GNAL: variants seen among roughly 807,000 people sequenced by gnomAD.
The protein encoded by GNAL is G protein subunit alpha L.
In GNAL, 18 loss-of-function variants were observed where a neutral mutation model predicts 55.1. The observed-to-expected ratio is 0.33, with a 90% CI of 0.23 to 0.48. The LOEUF is 0.48. Among genes scored for constraint, GNAL ranks in the 20% least tolerant of loss-of-function variants. The probability of loss-of-function intolerance (pLI) is 0.99; values close to 1 mark genes in which losing one functional copy is unlikely to be tolerated. For missense variants in GNAL, 412 were observed against 614.1 expected (o/e 0.67, Z 3.48); for synonymous variants, 253 against 237.0 (o/e 1.07, Z -0.62).
At chr18:11,763,101 T>C (rs2033296162) in intron 4 of GNAL, among the ~76,000 whole-genome samples, 1 of 152,246 alleles carries the variant, frequency 6.6e-6, no homozygotes, top group Admixed American at 6.5e-5. Flanking sequence ...TAAGAGGTAC[T>C]CCTAATCAAT....
intron 5 of GNAL, among the ~76,000 whole-genome samples, chr18:11,833,860 AC>A (rs1178796301): frequency 1.3e-5 from 2 of 152,184 alleles, no homozygotes; most frequent in African/African-American, 4.8e-5. Flanking sequence ...GTCACACGGA[AC>A]TGTATGGAAT....
At chr18:11,798,350 C>G (rs1373194804) in intron 4 of GNAL, among the ~76,000 whole-genome samples, 1 of 152,212 alleles carries the variant, frequency 6.6e-6, no homozygotes, top group Admixed American at 6.5e-5. Flanking sequence ...CAAGACATAA[C>G]TGTGAAACCT....
intron 4 of GNAL, among the ~76,000 whole-genome samples, chr18:11,805,512 C>T (rs1022824373): frequency 1.3e-5 from 2 of 152,020 alleles, no homozygotes; most frequent in African/African-American, 2.4e-5. Flanking sequence ...CCCCACCAAC[C>T]CCCTCACCCT....
chr18:11,711,747 T>C (rs1037684022), intron 1 of GNAL, among the ~76,000 whole-genome samples: 2 of 152,206 alleles, frequency 1.3e-5, no homozygotes, highest in African/African-American at 2.4e-5. Flanking sequence ...GTGATTTGTT[T>C]TGTTCATTTA....
chr18:11,816,889 G>T (rs1407674426), intron 4 of GNAL, among the ~76,000 whole-genome samples: 1 of 151,174 alleles, frequency 6.6e-6, no homozygotes, highest in Non-Finnish European at 1.5e-5. Context: ...TGTGCTAAGT[G>T]AAAGAAGCCA....
chr18:11,713,049 G>A (rs2031874385), intron 1 of GNAL, among the ~76,000 whole-genome samples: 1 of 152,208 alleles, frequency 6.6e-6, no homozygotes, highest in Non-Finnish European at 1.5e-5. Flanking sequence ...GTGAAATGCT[G>A]ATATGTTTAA....
At chr18:11,724,241 G>T (rs1017717624) in intron 1 of GNAL, among the ~76,000 whole-genome samples, 3 of 152,170 alleles carry the variant, frequency 2.0e-5, no homozygotes, top group Non-Finnish European at 2.9e-5. Context: ...CAGCCTCTGG[G>T]GGGGACCTCA....
At chr18:11,753,348 A>G (rs1053623212) in intron 2 of GNAL, among the ~76,000 whole-genome samples, 4 of 152,260 alleles carry the variant, frequency 2.6e-5, no homozygotes, top group Non-Finnish European at 5.9e-5. Flanking sequence ...TGCAATATCC[A>G]TAGCGATTTT....
Position 11,751,756 on chromosome 18 carries a change from C to T in GNAL, c.377-1097C>T. On this transcript the variant is annotated intron_variant, in intron 1 of 11. Coordinates refer to ENST00000334049, the MANE Select transcript of GNAL (RefSeq NM_182978.4). This position sits in a 1 kb window ranked among gnomAD's most constrained non-coding sequence, Gnocchi z 4.5. The stretch of plus-strand genomic sequence containing the variant: ...CCGTGGGGGGTCAGCTCCCTGACCC[C>T]TACAGCGCGGTAGCGCCTCTCCGAG... 1.4e-6 allele frequency: 1 copy of T among 699,646 alleles called. No homozygotes were observed. The highest frequency in any genetic ancestry group is 1.8e-6 in the Non-Finnish European group (1 of 568,288). 43.3% of individuals were successfully genotyped at this position (699,646 alleles called of 1,614,324 possible).
rs182268301 is a variant in GNAL, at chr18:11,705,569, A to T, written c.376+15630A>T. ...TAGCAGCTGTACCATTTTAATTCCCACCAGCAGCGTACAAGGGTTTCAGTT... is the reference window on the plus strand; with the variant it reads ...TAGCAGCTGTACCATTTTAATTCCCTCCAGCAGCGTACAAGGGTTTCAGTT... On this transcript the variant is annotated intron_variant, in intron 1 of 11. Transcript: ENST00000334049. 1.1e-4 allele frequency among the ~76,000 whole-genome samples: 16 copies of T among 152,080 alleles called. No individual in the cohort carries two copies. In the East Asian group the frequency reaches 2.9e-3, roughly 28 times the overall value.
At chr18:11,821,638 C>T (rs1481189075) in intron 4 of GNAL, among the ~76,000 whole-genome samples, 1 of 152,234 alleles carries the variant, frequency 6.6e-6, no homozygotes, top group Non-Finnish European at 1.5e-5. Context: ...AAGCCGAAGC[C>T]TGAAGGAATG....
chr18:11,779,377 G>T (rs1214066277), intron 4 of GNAL, among the ~76,000 whole-genome samples: 5 of 152,214 alleles, frequency 3.3e-5, no homozygotes, highest in African/African-American at 1.2e-4. Context: ...AATGCAGATT[G>T]TGAAGGCAGG....
intron 11 of GNAL, among the ~76,000 whole-genome samples, chr18:11,878,759 A>G (rs1292761225): frequency 6.6e-6 from 1 of 151,952 alleles, no homozygotes; most frequent in Non-Finnish European, 1.5e-5. Flanking sequence ...ATAGAGATAC[A>G]GCCTTGCTAT....
At chr18:11,843,261 G>A (rs1411057035) in intron 5 of GNAL, among the ~76,000 whole-genome samples, 1 of 152,110 alleles carries the variant, frequency 6.6e-6, no homozygotes, top group East Asian at 1.9e-4. Flanking sequence ...CACTTTGGGA[G>A]GCCAAGGTGG....
intron 4 of GNAL, among the ~76,000 whole-genome samples, chr18:11,764,579 G>T (rs572435814): frequency 6.6e-6 from 1 of 152,220 alleles, no homozygotes; most frequent in African/African-American, 2.4e-5. Context: ...GGCCCAGGCG[G>T]GTGGATCACT....
intron 5 of GNAL, chr18:11,852,464 G>A (rs1000531446): frequency 4.0e-5 from 10 of 249,148 alleles, no homozygotes; most frequent in Non-Finnish European, 7.7e-5. Context: ...TTATTATTTA[G>A]TGTGATTGAT....
Position 11,852,186 on chromosome 18 carries a change from T to TA in GNAL, c.723-10208dup, listed in dbSNP as rs1598428738. The TA allele has an allele frequency of 8.3e-6, 12 of 1,447,560 alleles. No individual in the cohort carries two copies. The East Asian group carries it at 2.0e-4, about 24-fold the overall frequency. 89.7% of individuals were successfully genotyped at this position (1,447,560 alleles called of 1,614,324 possible). On this transcript the variant is annotated intron_variant, in intron 5 of 11. Transcript: ENST00000334049. The stretch of plus-strand genomic sequence containing the variant: ...CTCTCTGTGTGTTAGAGAGATACTA[T>TA]ACCCTAGAAACTCTGAACACGCCAG...
At position 11,751,836 on chromosome 18, in the gene GNAL, C is replaced by G. The variant is rs777100069; in HGVS notation, c.377-1017C>G. 5.3e-6 allele frequency: 1 copy of G among 187,888 alleles called. No individual in the cohort carries two copies. The allele number at this position is 187,888 out of a possible 1,614,324, so 11.6% of individuals were successfully genotyped here. Reference sequence around the variant, plus strand: ...CAAAGCCAGCCTCCCTCTCCCTTCCCCGCACCGGGATCCCAGACCAGGGAG... The same window carrying G: ...CAAAGCCAGCCTCCCTCTCCCTTCCGCGCACCGGGATCCCAGACCAGGGAG... On this transcript the variant is annotated intron_variant, in intron 1 of 11. Transcript: ENST00000334049. This position sits in a 1 kb window ranked among gnomAD's most constrained non-coding sequence, Gnocchi z 4.5.
chr18:11,825,029 T>C lies in GNAL; in HGVS notation c.722+14T>C. The C allele has an allele frequency of 4.3e-6, 6 of 1,382,818 alleles. No individual in the cohort carries two copies. The highest frequency in any genetic ancestry group is 6.2e-6 in the Non-Finnish European group (6 of 975,002). 85.7% of individuals were successfully genotyped at this position (1,382,818 alleles called of 1,614,324 possible). Reference sequence around the variant, plus strand: ...CTGTGCACAATAGTAAGTTGTGTCCTGTACAAGTTACAGGGCCCTTTGAAG... The same window carrying C: ...CTGTGCACAATAGTAAGTTGTGTCCCGTACAAGTTACAGGGCCCTTTGAAG... On this transcript the variant is annotated intron_variant, in intron 5 of 11. Transcript: ENST00000334049.
Sources: gnomAD v4.1 joint callset for allele counts (sites outside exome capture counted in the v4.1 genomes callset) on GRCh38, gnomAD v4.1.1 for gene constraint, Gnocchi (gnomAD v3.1) non-coding constraint, MANE v1.5 for transcripts, NCBI Gene and HGNC (gene_info 2026-07-23, HGNC 2026-07-21) for gene names.